Variants in GABRA3 observed in about 807,000 individuals in gnomAD.
GABRA3 encodes the protein gamma-aminobutyric acid type A receptor subunit alpha3.
Under a neutral mutation model 30.1 loss-of-function variants are expected in GABRA3, and 10 were observed. That is an observed-to-expected ratio of 0.33 (90% confidence interval 0.20 to 0.56). The LOEUF (loss-of-function observed/expected upper bound fraction) is 0.56, where lower values mean the gene tolerates loss of function less well. GABRA3 is among the 20% of genes least tolerant of loss of function. The pLI, the probability that GABRA3 is intolerant of heterozygous loss-of-function variation, is 0.89. For synonymous variants in GABRA3, 151 were observed against 146.8 expected, an observed-to-expected ratio of 1.03 and a Z score of -0.21; for missense variants, 233 against 392.0, an observed-to-expected ratio of 0.59 and a Z score of 3.42.
chrX:152,339,237 T>C (rs1342454594), intron 3 of GABRA3, among the ~76,000 whole-genome samples: 1 of 110,710 alleles, frequency 9.0e-6, no homozygotes, highest in African/African-American at 3.3e-5. Flanking sequence ...GTAATTTTTT[T>C]TTTTTTTTAA....
chrX:152,206,951 C>T (rs1444399288), intron 7 of GABRA3, among the ~76,000 whole-genome samples: 2 of 111,704 alleles, frequency 1.8e-5, no homozygotes, highest in Admixed American at 1.9e-4. Context: ...CAGCTTTCAG[C>T]TTCCCTAACA....
intron 5 of GABRA3, among the ~76,000 whole-genome samples, chrX:152,234,742 G>A (rs749453435): frequency 3.6e-5 from 4 of 111,567 alleles, no homozygotes; most frequent in African/African-American, 1.3e-4. Context: ...TTTCTCCAGT[G>A]TATGTTTCCG....
intron 5 of GABRA3, among the ~76,000 whole-genome samples, chrX:152,243,535 A>G (rs781687202): frequency 8.0e-5 from 9 of 111,978 alleles, no homozygotes; most frequent in African/African-American, 2.9e-4. Context: ...TCCACCATGA[A>G]CCCAGCTTGT....
intron 2 of GABRA3, among the ~76,000 whole-genome samples, chrX:152,363,764 ATATATT>A (rs1928576330): frequency 8.9e-6 from 1 of 111,889 alleles, no homozygotes; most frequent in Middle Eastern, 4.2e-3. Context: ...TTATTAAACT[ATATATT>A]TATATTTTAT....
At chrX:152,232,740 T>C (rs1272969707) in intron 5 of GABRA3, among the ~76,000 whole-genome samples, 1 of 108,939 alleles carries the variant, frequency 9.2e-6, no homozygotes, top group East Asian at 2.9e-4. Flanking sequence ...CTTAGGATGG[T>C]TCCATATATT....
intron 4 of GABRA3, among the ~76,000 whole-genome samples, chrX:152,281,908 TC>T (rs912703036): frequency 2.7e-5 from 3 of 112,388 alleles, no homozygotes; most frequent in African/African-American, 9.7e-5. Context: ...TCATTATTTT[TC>T]CCTCAGATTT....
intron 6 of GABRA3, among the ~76,000 whole-genome samples, chrX:152,214,811 T>C (rs1444943352): frequency 9.7e-6 from 1 of 103,226 alleles, no homozygotes; most frequent in East Asian, 3.5e-4. Flanking sequence ...AATTTATTCC[T>C]AGAATTTTAT....
At chrX:152,191,894 C>A (rs1603204600) in intron 8 of GABRA3, among the ~76,000 whole-genome samples, 1 of 111,837 alleles carries the variant, frequency 8.9e-6, no homozygotes, top group Middle Eastern at 4.6e-3. Context: ...TACTTATTAA[C>A]AAACTCTCTG....
At position 152,280,680 on chromosome X, in the gene GABRA3, C is replaced by G. The variant is rs755529394; in HGVS notation, c.330+3988G>C. On this transcript the variant is annotated intron_variant, in intron 4 of 9. Transcript: ENST00000370314. ...ATTCCATTTTGTTTTTCTCATTAAG[C>G]TAGATGGTTAGTTCTTTCATTGTAT... Among the ~76,000 whole-genome samples, 9 of 110,867 alleles carry G rather than the reference C, an allele frequency of 8.1e-5. 1 individual carries two copies. In the South Asian group the frequency reaches 3.5e-3, roughly 43 times the overall value.
At chrX:152,324,431 C>CA (rs5904337) in intron 3 of GABRA3, among the ~76,000 whole-genome samples, 23,483 of 111,094 alleles carry the variant, frequency 0.21, 2,279 homozygotes, top group African/African-American at 0.38. Flanking sequence ...CATTTCACAT[C>CA]AAAGAGAGAA....
At chrX:152,232,091 C>A (rs886548275) in intron 5 of GABRA3, among the ~76,000 whole-genome samples, 19 of 111,126 alleles carry the variant, frequency 1.7e-4, no homozygotes, top group Non-Finnish European at 3.2e-4. Context: ...TTGCACAATT[C>A]TATAAATCTA....
At chrX:152,227,553 A>ATC (rs1937986395) in intron 5 of GABRA3, among the ~76,000 whole-genome samples, 3 of 106,439 alleles carry the variant, frequency 2.8e-5, no homozygotes, top group Non-Finnish European at 5.8e-5. Context: ...ATATATATAT[A>ATC]TTAAAAAAAG....
rs1280283119 is a variant in GABRA3 at position 152,240,640 on chromosome X, C to T, written c.551+15138G>A. 3.0e-5 allele frequency among the ~76,000 whole-genome samples: 3 copies of T among 98,577 alleles called. No homozygotes were observed. The South Asian group carries it at 1.4e-3, about 45-fold the overall frequency. 85.6% of individuals were successfully genotyped at this position (98,577 alleles called of 115,157 possible). A position where few individuals can be genotyped will look rare whatever the true frequency, so the allele number is the denominator to read the frequency against. On this transcript the variant is annotated intron_variant, in intron 5 of 9. Transcript: ENST00000370314. Reference sequence around the variant, plus strand: ...ATCACTTTCAGGTACATCAATCAGACGTAGATTTGGTCTTTTCACATAGTC... The same window carrying T: ...ATCACTTTCAGGTACATCAATCAGATGTAGATTTGGTCTTTTCACATAGTC...
intron 9 of GABRA3, among the ~76,000 whole-genome samples, chrX:152,178,284 G>A (rs976573616): frequency 1.7e-4 from 19 of 110,701 alleles, no homozygotes; most frequent in South Asian, 3.9e-4. Flanking sequence ...GTGTGTGTGT[G>A]TTTCAATCGA....
chrX:152,221,884 C>G (rs1008406731), intron 6 of GABRA3, among the ~76,000 whole-genome samples: 1 of 111,487 alleles, frequency 9.0e-6, no homozygotes, highest in African/African-American at 3.3e-5. Context: ...CTCCCACCCT[C>G]CAAAAACCCC....
chrX:152,314,438 C>T (rs1603239822), intron 3 of GABRA3, among the ~76,000 whole-genome samples: 2 of 112,126 alleles, frequency 1.8e-5, no homozygotes, highest in African/African-American at 6.5e-5. Context: ...CTTATCACTT[C>T]CCTGTGTTAA....
intron 1 of GABRA3, among the ~76,000 whole-genome samples, chrX:152,411,538 T>C (rs1930070791): frequency 9.0e-6 from 1 of 111,541 alleles, no homozygotes; most frequent in Admixed American, 9.5e-5. Context: ...CAAAAGGAGC[T>C]GGATCTGTTT....
At chrX:152,197,128 A>C (rs1937399201) in intron 8 of GABRA3, among the ~76,000 whole-genome samples, 1 of 112,404 alleles carries the variant, frequency 8.9e-6, no homozygotes, top group East Asian at 2.8e-4. Flanking sequence ...ACTCATGATG[A>C]AGAAAATGGC....
chrX:152,372,982 C>T (rs389292), intron 1 of GABRA3, among the ~76,000 whole-genome samples: 25,733 of 110,685 alleles, frequency 0.23, 2,594 homozygotes, highest in Admixed American at 0.36. Context: ...CACCACAGTC[C>T]TTCTTATTTG....
Sources: allele counts gnomAD v4.1 joint callset (sites outside exome capture counted in the v4.1 genomes callset), GRCh38; gene constraint gnomAD v4.1.1; transcripts MANE v1.5; gene names NCBI Gene and HGNC (gene_info 2026-07-23, HGNC 2026-07-21).